UNC80: variants seen among roughly 807,000 people sequenced by gnomAD.
UNC80 encodes the protein protein unc-80 homolog.
UNC80 carries 164 observed loss-of-function variants against 384.6 expected under a neutral mutation model. The observed-to-expected ratio is 0.43, with a 90% CI of 0.38 to 0.49. The LOEUF (loss-of-function observed/expected upper bound fraction) is 0.49. Among genes scored for constraint, UNC80 ranks in the 20% least tolerant of loss-of-function variants. The pLI is 0.00. For missense variants in UNC80, 3,330 were observed against 4,143.0 expected (o/e 0.80, Z 5.39); for synonymous variants, 1,486 against 1,527.8 (o/e 0.97, Z 0.64).
At chr2:209,832,035 A>G (rs76978087) in intron 16 of UNC80, among the ~76,000 whole-genome samples, 1,548 of 152,286 alleles carry the variant, frequency 0.01, 26 homozygotes, top group African/African-American at 0.035. Flanking sequence ...TCTTTTAGCT[A>G]CTTGTCTTGA....
At chr2:209,984,593 A>G (rs1463113944) in intron 60 of UNC80, among the ~76,000 whole-genome samples, 1 of 152,106 alleles carries the variant, frequency 6.6e-6, no homozygotes, top group Non-Finnish European at 1.5e-5. Flanking sequence ...TTCGGAGTTC[A>G]TTTTAACTCT....
intron 21 of UNC80, among the ~76,000 whole-genome samples, chr2:209,848,461 G>A (rs1016973429): frequency 9.2e-5 from 14 of 152,090 alleles, no homozygotes; most frequent in Non-Finnish European, 2.1e-4. Context: ...TTATGAAAGT[G>A]TTCAAACGTA....
chr2:209,872,021 G>C lies in UNC80; in HGVS notation c.3628-737G>C, dbSNP rs2084346037. Among the ~76,000 whole-genome samples the C allele has an allele frequency of 6.7e-6, 1 of 150,370 alleles. No homozygotes were observed. Among genetic ancestry groups the C allele is most frequent in the African/African-American group, 2.4e-5 (1 of 40,904 alleles). ...AAGATTGAGCTTCCTTTTCTTTTTT[G>C]AGGTGGAGTCTCACTCTGTCTCCCA... is the stretch of plus-strand genomic sequence containing the variant. On this transcript the variant is annotated intron_variant, in intron 22 of 64. Coordinates refer to ENST00000673920, the MANE Select transcript of UNC80 (RefSeq NM_001371986.1). This position sits in a 1 kb window ranked among gnomAD's most constrained non-coding sequence, Gnocchi z 4.1.
At chr2:209,921,125 G>T (rs967126655) in intron 33 of UNC80, among the ~76,000 whole-genome samples, 1 of 152,148 alleles carries the variant, frequency 6.6e-6, no homozygotes, top group African/African-American at 2.4e-5. Flanking sequence ...ACCACACCTG[G>T]CCTGAAATAA....
chr2:209,772,192 GC>G (rs998125174), intron 1 of UNC80, 28 bp downstream of exon 1: 3 of 1,484,190 alleles, frequency 2.0e-6, no homozygotes, highest in African/African-American at 1.5e-5. Context: ...CGCACCGCGG[GC>G]CGCCCTGGGC....
At position 209,904,805 on chromosome 2, in the gene UNC80, C is replaced by T. The variant is rs771367972; in HGVS notation, c.4622C>T (p.Thr1541Ile). ...TGCAATCAGCAGAGTTTCATCTGCA[C>T]TCACGTTGACTACTGCCATCCCCAC... is the stretch of plus-strand genomic sequence containing the variant. Reference protein sequence around the residue: ...LLCNQQSFICTHVDYCHPHCY... With the variant: ...LLCNQQSFICIHVDYCHPHCY... The change falls in exon 29 of 65, where the codon ACT becomes ATT. Residue 1541 changes from threonine (T) to isoleucine (I), a missense_variant. Around this residue, in one of 8 missense-constraint regions of UNC80, gnomAD observed 801 missense variants for 950.8 expected, o/e 0.84. Coordinates refer to ENST00000673920, the MANE Select transcript of UNC80 (RefSeq NM_001371986.1). 2.8e-5 allele frequency: 44 copies of T among 1,551,886 alleles called. No homozygotes were observed. The highest frequency in any genetic ancestry group is 3.9e-5 in the Admixed American group (2 of 50,986).
chr2:209,888,621 G>C (rs1248647681), intron 26 of UNC80, among the ~76,000 whole-genome samples: 1 of 151,254 alleles, frequency 6.6e-6, no homozygotes, highest in Admixed American at 6.6e-5. Flanking sequence ...TTTTTTATTT[G>C]TTTGCTTTTT....
intron 39 of UNC80, among the ~76,000 whole-genome samples, 153 bp from the exon 40 acceptor site, chr2:209,935,561 T>A (rs1283952833): frequency 6.7e-6 from 1 of 148,376 alleles, no homozygotes; most frequent in East Asian, 1.9e-4. Flanking sequence ...ATTTCCAGGT[T>A]AAAAATAAAT....
intron 29 of UNC80, among the ~76,000 whole-genome samples, chr2:209,907,400 CT>C (rs1228542262): frequency 6.6e-6 from 1 of 151,470 alleles, no homozygotes; most frequent in African/African-American, 2.4e-5. Flanking sequence ...AAAATTACAT[CT>C]GCAATAAGTG....
chr2:209,962,017 A>C (rs376227701), intron 51 of UNC80, among the ~76,000 whole-genome samples: 7 of 152,160 alleles, frequency 4.6e-5, no homozygotes, highest in African/African-American at 1.7e-4. Context: ...AGACCAAGTG[A>C]GGAAACCCAG....
intron 4 of UNC80, among the ~76,000 whole-genome samples, chr2:209,785,208 G>C (rs532591232): frequency 6.6e-6 from 1 of 152,128 alleles, no homozygotes; most frequent in East Asian, 1.9e-4. Context: ...TGAGTTCCTG[G>C]GTCTCAGATG....
chr2:209,922,930 T>C (rs1169884065), intron 35 of UNC80, among the ~76,000 whole-genome samples: 3 of 152,228 alleles, frequency 2.0e-5, no homozygotes, highest in African/African-American at 4.8e-5. Flanking sequence ...TTATTGACCA[T>C]ATGTATATCT....
chr2:209,826,351 A>T (rs2080518856), intron 14 of UNC80, among the ~76,000 whole-genome samples: 1 of 152,220 alleles, frequency 6.6e-6, no homozygotes, highest in Admixed American at 6.5e-5. Context: ...GAACTTTTGC[A>T]CAGATGAATA....
rs2093484701 is a variant in UNC80, at chr2:209,996,430, G to C, written c.*835G>C. 6.6e-6 allele frequency: 1 copy of C among 152,174 alleles called. No homozygotes were observed. The highest frequency in any genetic ancestry group is 2.1e-4 in the South Asian group (1 of 4,832). 9.4% of individuals were successfully genotyped at this position (152,174 alleles called of 1,614,324 possible). A position where few individuals can be genotyped will look rare whatever the true frequency, so the allele number is the denominator to read the frequency against. ...CTAGCCCTGACTACATCAATACCAAGATTAGAAGCTATTGGAAAATGTGAT... is the reference window on the plus strand; with the variant it reads ...CTAGCCCTGACTACATCAATACCAACATTAGAAGCTATTGGAAAATGTGAT... On this transcript the variant is annotated 3_prime_UTR_variant, in exon 65 of 65. Transcript: ENST00000673920.
rs1393438955 is a variant in UNC80 at position 209,997,917 on chromosome 2, A to T, written c.*2322A>T. ...TGTCACAAGATGTATTCTCAGGAAT[A>T]CTGTTACCTGGAGTTTGAAAGGAAT... On this transcript the variant is annotated 3_prime_UTR_variant, in exon 65 of 65. Transcript: ENST00000673920. 6.6e-6 allele frequency: 1 copy of T among 152,196 alleles called. No homozygotes were observed. The allele number at this position is 152,196 out of a possible 1,614,324, so 9.4% of individuals were successfully genotyped here.
intron 7 of UNC80, chr2:209,796,592 A>T (rs2078172172): frequency 6.6e-6 from 1 of 152,186 alleles, no homozygotes; most frequent in Non-Finnish European, 1.5e-5. Context: ...CCATGGGGAG[A>T]TTATAAAATC....
chr2:209,931,535 T>C (rs2090873009), intron 38 of UNC80, among the ~76,000 whole-genome samples: 1 of 152,156 alleles, frequency 6.6e-6, no homozygotes, highest in Non-Finnish European at 1.5e-5. Context: ...CTTACCAATT[T>C]CTTCACATTC....
intron 4 of UNC80, among the ~76,000 whole-genome samples, chr2:209,779,262 T>A (rs910984749): frequency 2.0e-5 from 3 of 152,124 alleles, no homozygotes; most frequent in Admixed American, 2.0e-4. Context: ...TCACTAACCA[T>A]CTTCAGGCTT....
chr2:209,942,289 G>A (rs1167357552), intron 44 of UNC80, among the ~76,000 whole-genome samples: 1 of 152,160 alleles, frequency 6.6e-6, no homozygotes, highest in African/African-American at 2.4e-5. Context: ...AGTCCCTGAT[G>A]CCAAAAAGGT....
Sources: gnomAD v4.1 joint callset for allele counts (sites outside exome capture counted in the v4.1 genomes callset) on GRCh38, gnomAD v4.1.1 for gene constraint, gnomAD v4.1.1 regional missense constraint, Gnocchi (gnomAD v3.1) non-coding constraint, MANE v1.5 for transcripts, NCBI Gene and HGNC (gene_info 2026-07-23, HGNC 2026-07-21) for gene names.